Variants in DPP6 observed in about 807,000 individuals in gnomAD.
DPP6 encodes A-type potassium channel modulatory protein DPP6.
In DPP6, 69 loss-of-function variants were observed where a neutral mutation model predicts 122.6. That is an observed-to-expected ratio of 0.56 (90% CI 0.46 to 0.69). The LOEUF (loss-of-function observed/expected upper bound fraction) is 0.69, where lower values mean the gene tolerates loss of function less well. DPP6 is among the 30% of genes least tolerant of loss of function. The pLI, the probability that DPP6 is intolerant of heterozygous loss-of-function variation, is 0.00. For synonymous variants in DPP6, 418 were observed against 433.1 expected (o/e 0.97, Z 0.43); for missense variants, 928 against 1,116.9 (o/e 0.83, Z 2.41).
At chr7:154,654,160 A>G (rs1837069236) in intron 6 of DPP6, among the ~76,000 whole-genome samples, 1 of 152,086 alleles carries the variant, frequency 6.6e-6, no homozygotes, top group Non-Finnish European at 1.5e-5. Context: ...ATATGCAAAT[A>G]CCACACATTT....
chr7:154,202,622 A>T (rs1799231135), intron 1 of DPP6, among the ~76,000 whole-genome samples: 1 of 152,146 alleles, frequency 6.6e-6, no homozygotes, highest in African/African-American at 2.4e-5. Flanking sequence ...CCTGGAATTC[A>T]GCACCAGCTA....
chr7:154,102,640 C>T (rs1230901074), intron 1 of DPP6, among the ~76,000 whole-genome samples: 1 of 152,148 alleles, frequency 6.6e-6, no homozygotes, highest in African/African-American at 2.4e-5. Flanking sequence ...TTAGTATCAT[C>T]CTTAGGATAA....
the DPP6 span, among the ~76,000 whole-genome samples, chr7:153,813,904 T>C: frequency 6.6e-6 from 1 of 152,198 alleles, no homozygotes; most frequent in African/African-American, 2.4e-5. Flanking sequence ...TTGAGTTCAT[T>C]GTAGATTCTG....
intron 1 of DPP6, among the ~76,000 whole-genome samples, chr7:154,065,932 C>T (rs376093946): frequency 6.6e-6 from 1 of 152,054 alleles, no homozygotes; most frequent in African/African-American, 2.4e-5. Flanking sequence ...TGGCCTTAAG[C>T]AGTCCCAGAA....
At chr7:154,276,319 G>C (rs1376893975) in intron 1 of DPP6, among the ~76,000 whole-genome samples, 1 of 152,178 alleles carries the variant, frequency 6.6e-6, no homozygotes, top group Non-Finnish European at 1.5e-5. Flanking sequence ...TGTGCTACTT[G>C]ATGTTAATGC....
At chr7:154,061,918 TG>T (rs1802004849) in intron 1 of DPP6, among the ~76,000 whole-genome samples, 14 of 128,820 alleles carry the variant, frequency 1.1e-4, no homozygotes, top group Non-Finnish European at 2.0e-4. Flanking sequence ...CCCCTGGCTC[TG>T]AGGACCCCCA....
chr7:154,621,602 G>A (rs754215284), intron 5 of DPP6, among the ~76,000 whole-genome samples: 1 of 152,150 alleles, frequency 6.6e-6, no homozygotes, highest in Non-Finnish European at 1.5e-5. Context: ...CCTGACCTCA[G>A]GTGATCCGCC....
Position 154,807,087 on chromosome 7 carries a change from G to T in DPP6, c.1641G>T (p.Met547Ile). Reference sequence around the variant, plus strand: ...TCAGCGCTTCCTTCAGCCATAGCATGGACTTCTTCCTGCTCAAGTGCGAAG... The same window carrying T: ...TCAGCGCTTCCTTCAGCCATAGCATTGACTTCTTCCTGCTCAAGTGCGAAG... ...TYFSASFSHS[M>I]DFFLLKCEGP... is the part of the protein sequence containing the mutation. The change falls in exon 16 of 26, where the codon ATG (methionine) becomes ATT (isoleucine). Residue 547 changes from methionine to isoleucine, a missense_variant. Physicochemically the swap from Met to Ile is conservative, Grantham distance 10. Coordinates refer to ENST00000377770, the MANE Select transcript of DPP6 (RefSeq NM_130797.4). 1 of 1,613,658 alleles carries T rather than the reference G, an allele frequency of 6.2e-7. No homozygotes were observed.
At chr7:154,445,685 G>A (rs900565035) in intron 1 of DPP6, among the ~76,000 whole-genome samples, 10 of 152,080 alleles carry the variant, frequency 6.6e-5, no homozygotes, top group African/African-American at 1.9e-4. Context: ...AAGGCAGTGC[G>A]ATGGGCAGAA....
intron 8 of DPP6, among the ~76,000 whole-genome samples, chr7:154,766,880 C>A (rs1795934681): frequency 6.6e-6 from 1 of 152,176 alleles, no homozygotes; most frequent in African/African-American, 2.4e-5. Flanking sequence ...ATACAAACAA[C>A]CCTGGGTGGA....
At chr7:154,199,349 A>T (rs1419650743) in intron 1 of DPP6, among the ~76,000 whole-genome samples, 1 of 152,092 alleles carries the variant, frequency 6.6e-6, no homozygotes, top group Non-Finnish European at 1.5e-5. Flanking sequence ...ATGCTGTTTC[A>T]TCCGGGTTCT....
chr7:154,238,547 G>T (rs1454352340), intron 1 of DPP6, among the ~76,000 whole-genome samples: 2 of 152,158 alleles, frequency 1.3e-5, no homozygotes, highest in Non-Finnish European at 2.9e-5. Flanking sequence ...CAGCACTATT[G>T]TTCCCATGAT....
At chr7:153,806,046 A>T in the DPP6 span, among the ~76,000 whole-genome samples, 1 of 151,920 alleles carries the variant, frequency 6.6e-6, no homozygotes, top group Non-Finnish European at 1.5e-5. Context: ...CCCTCGTTTC[A>T]TCTGGCTGAG....
intron 1 of DPP6, among the ~76,000 whole-genome samples, chr7:154,385,217 C>T (rs920848327): frequency 1.1e-4 from 17 of 152,196 alleles, no homozygotes; most frequent in Admixed American, 8.5e-4. Flanking sequence ...GATCCGCCCG[C>T]CTCGGCCTCC....
chr7:153,785,371 A>G, the DPP6 span, among the ~76,000 whole-genome samples: 108 of 152,310 alleles, frequency 7.1e-4, no homozygotes, highest in African/African-American at 2.5e-3. Flanking sequence ...TGTCCAGAAC[A>G]GGGTCTGGCA....
chr7:154,311,115 TGTTTG>T (rs1382986784), intron 1 of DPP6, among the ~76,000 whole-genome samples: 3 of 152,192 alleles, frequency 2.0e-5, no homozygotes, highest in Non-Finnish European at 4.4e-5. Flanking sequence ...TTTCAGACAC[TGTTTG>T]GAAAAACAAA....
chr7:154,339,731 T>C (rs541228769), intron 1 of DPP6, among the ~76,000 whole-genome samples: 7 of 152,254 alleles, frequency 4.6e-5, no homozygotes, highest in Non-Finnish European at 2.9e-5. Context: ...ATATTTTAAG[T>C]GCCTTGGAAT....
intron 1 of DPP6, among the ~76,000 whole-genome samples, chr7:154,237,972 T>C (rs142418464): frequency 1.3e-3 from 199 of 152,316 alleles, no homozygotes; most frequent in African/African-American, 4.5e-3. Context: ...CTCTGCCAGC[T>C]CGTGTCTGAG....
At chr7:154,757,756 C>T (rs1043401120) in intron 8 of DPP6, among the ~76,000 whole-genome samples, 3 of 152,264 alleles carry the variant, frequency 2.0e-5, no homozygotes, top group Admixed American at 6.5e-5. Context: ...CTCCGGCACA[C>T]GGGAGGGGCA....
Sources: gnomAD v4.1 joint callset for allele counts (sites outside exome capture counted in the v4.1 genomes callset) on GRCh38, gnomAD v4.1.1 for gene constraint, MANE v1.5 for transcripts, NCBI Gene and HGNC (gene_info 2026-07-23, HGNC 2026-07-21) for gene names.